TMEFF2: variants seen among roughly 807,000 people sequenced by gnomAD.
TMEFF2 encodes the protein tomoregulin-2.
In TMEFF2, 28 loss-of-function variants were observed where a neutral mutation model predicts 53.8. That is an observed-to-expected ratio of 0.52 (90% CI 0.39 to 0.71). TMEFF2 has a LOEUF of 0.71. TMEFF2 is among the 30% of genes least tolerant of loss of function. The pLI is 0.00. For missense variants in TMEFF2, 353 were observed against 455.2 expected, an observed-to-expected ratio of 0.78 and a Z score of 2.04; for synonymous variants, 162 against 166.3, an observed-to-expected ratio of 0.97 and a Z score of 0.20.
intron 7 of TMEFF2, among the ~76,000 whole-genome samples, chr2:191,984,269 C>T (rs1308451914): frequency 6.6e-6 from 1 of 151,946 alleles, no homozygotes; most frequent in Non-Finnish European, 1.5e-5. Context: ...ATCTGTTTTT[C>T]CAAAGTTAAT....
rs188941007 is a variant in TMEFF2 at position 192,111,412 on chromosome 2, C to A, written c.440-53637G>T. On this transcript the variant is annotated intron_variant, in intron 4 of 9. Coordinates refer to ENST00000272771, the MANE Select transcript of TMEFF2 (RefSeq NM_016192.4). ...TAGCAAGGAGACTGGTGACATTTTG[C>A]CCCTGCCCTGGAGATTTGTGGGACT... Among the ~76,000 whole-genome samples the A allele has an allele frequency of 4.6e-5, 7 of 152,192 alleles. No individual in the cohort carries two copies. In the East Asian group the frequency reaches 1.4e-3, roughly 29 times the overall value.
At chr2:192,144,086 T>C (rs188690361) in intron 4 of TMEFF2, among the ~76,000 whole-genome samples, 2 of 152,238 alleles carry the variant, frequency 1.3e-5, no homozygotes, top group Admixed American at 6.5e-5. Context: ...TCTTCATTTA[T>C]GTGGTAAGAA....
chr2:192,134,123 ACT>A (rs1190925398), intron 4 of TMEFF2, among the ~76,000 whole-genome samples: 19 of 151,436 alleles, frequency 1.3e-4, no homozygotes, highest in African/African-American at 2.4e-4. Context: ...TGCTCAACTC[ACT>A]CTCTACATTT....
At chr2:192,024,830 A>T (rs1489966179) in intron 5 of TMEFF2, among the ~76,000 whole-genome samples, 1 of 152,238 alleles carries the variant, frequency 6.6e-6, no homozygotes, top group African/African-American at 2.4e-5. Flanking sequence ...GAAAGTCAAC[A>T]TAGACTGGAC....
chr2:192,046,495 T>G (rs551710731), intron 5 of TMEFF2, among the ~76,000 whole-genome samples: 29 of 152,292 alleles, frequency 1.9e-4, no homozygotes, highest in African/African-American at 6.5e-4. Context: ...ATTTAATATG[T>G]GGTGCTCTGT....
chr2:192,055,536 A>G (rs1057514776), intron 5 of TMEFF2, among the ~76,000 whole-genome samples: 2 of 152,012 alleles, frequency 1.3e-5, no homozygotes, highest in Non-Finnish European at 2.9e-5. Context: ...GCACTTTGGG[A>G]GGCCGAGGCG....
intron 7 of TMEFF2, among the ~76,000 whole-genome samples, chr2:191,969,534 C>A (rs532960137): frequency 6.6e-6 from 1 of 152,094 alleles, no homozygotes; most frequent in East Asian, 1.9e-4. Flanking sequence ...ATATGCAGAG[C>A]AAAAATGTGT....
intron 5 of TMEFF2, among the ~76,000 whole-genome samples, chr2:192,050,870 C>A (rs1366788779): frequency 6.6e-6 from 1 of 152,174 alleles, no homozygotes; most frequent in East Asian, 1.9e-4. Context: ...TTTGGACACA[C>A]CTTTGCTAAA....
intron 4 of TMEFF2, among the ~76,000 whole-genome samples, chr2:192,110,424 T>G (rs1420762654): frequency 1.3e-5 from 2 of 152,128 alleles, no homozygotes. Flanking sequence ...AGTGTGCTAG[T>G]GGTAAAGGAA....
chr2:192,018,977 A>G (rs1478420195), intron 5 of TMEFF2, among the ~76,000 whole-genome samples: 1 of 152,020 alleles, frequency 6.6e-6, no homozygotes, highest in Non-Finnish European at 1.5e-5. Flanking sequence ...ATTATTCTCA[A>G]TTACACACAT....
At chr2:192,042,346 G>T (rs75643004) in intron 5 of TMEFF2, among the ~76,000 whole-genome samples, 1 of 152,148 alleles carries the variant, frequency 6.6e-6, no homozygotes, top group Non-Finnish European at 1.5e-5. Context: ...CTTGCTTCAC[G>T]TGGTGTTGTC....
At chr2:192,137,938 T>A (rs897334430) in intron 4 of TMEFF2, among the ~76,000 whole-genome samples, 3 of 151,942 alleles carry the variant, frequency 2.0e-5, no homozygotes, top group Admixed American at 6.6e-5. Context: ...GAGGCACTCC[T>A]GTAATCCCCT....
At chr2:192,067,957 C>T (rs537668275) in intron 4 of TMEFF2, among the ~76,000 whole-genome samples, 2 of 152,020 alleles carry the variant, frequency 1.3e-5, no homozygotes, top group South Asian at 4.1e-4. Flanking sequence ...AACATATCTC[C>T]CATGTCACTT....
chr2:192,032,847 C>T (rs753738400), intron 5 of TMEFF2, among the ~76,000 whole-genome samples: 1 of 152,122 alleles, frequency 6.6e-6, no homozygotes, highest in Non-Finnish European at 1.5e-5. Flanking sequence ...CAAACAAAGT[C>T]GTCTTTGTGA....
At chr2:192,120,979 C>T (rs1175294069) in intron 4 of TMEFF2, among the ~76,000 whole-genome samples, 1 of 152,202 alleles carries the variant, frequency 6.6e-6, no homozygotes, top group Non-Finnish European at 1.5e-5. Flanking sequence ...TGTGATCCGC[C>T]TGCCTCAGCC....
At chr2:191,953,614 C>T (rs943031843) in intron 9 of TMEFF2, 65 bp downstream of exon 9, 51 of 1,562,530 alleles carry the variant, frequency 3.3e-5, no homozygotes, top group Admixed American at 1.8e-4. Context: ...TCGGAGGGAT[C>T]TGATTAAATA....
chr2:192,187,423 G>A (rs1055501180), intron 2 of TMEFF2, among the ~76,000 whole-genome samples: 5 of 152,106 alleles, frequency 3.3e-5, no homozygotes, highest in South Asian at 2.1e-4. Context: ...AAGCCATGGT[G>A]TTTCTAGAAT....
Position 192,194,450 on chromosome 2 carries a change from C to A in TMEFF2, c.75G>T (p.Leu25=), listed in dbSNP as rs1423251460. ...GGGCTACGATGAGTAGCATGACGGG[C>A]AGCAGCAGCAGCCAGCAAAAGCCCT... The part of the protein sequence containing the change: ...LCEGFCWLLL[L]PVMLLIVARP... Residue 25 remains leucine (L), a synonymous_variant, in exon 1 of 10, where the codon CTG becomes CTT. Coordinates refer to ENST00000272771, the MANE Select transcript of TMEFF2 (RefSeq NM_016192.4). The surrounding 1 kb of genome is among the most constrained non-coding windows in gnomAD (Gnocchi z 4.2). The A allele has an allele frequency of 1.1e-5, 17 of 1,613,602 alleles. No homozygotes were observed. Among genetic ancestry groups the A allele is most frequent in the Non-Finnish European group, 1.3e-5 (15 of 1,179,768 alleles).
At chr2:192,193,308 C>A (rs1037721237) in intron 1 of TMEFF2, among the ~76,000 whole-genome samples, 7 of 152,146 alleles carry the variant, frequency 4.6e-5, no homozygotes, top group African/African-American at 1.2e-4. Context: ...GTTTAAAATG[C>A]CAAGGAAATT....
Sources: gnomAD v4.1 joint callset for allele counts (sites outside exome capture counted in the v4.1 genomes callset) on GRCh38, gnomAD v4.1.1 for gene constraint, Gnocchi (gnomAD v3.1) non-coding constraint, MANE v1.5 for transcripts, NCBI Gene and HGNC (gene_info 2026-07-23, HGNC 2026-07-21) for gene names.